The following PIEZO2 variants were observed in gnomAD, a reference collection of about 807,000 sequenced individuals.
PIEZO2 encodes the protein piezo-type mechanosensitive ion channel component 2.
A neutral mutation model predicts 337.3 loss-of-function variants in PIEZO2; 172 were observed. The observed-to-expected ratio is 0.51, with a 90% CI of 0.45 to 0.58. The LOEUF (loss-of-function observed/expected upper bound fraction) is 0.58. Among genes scored for constraint, PIEZO2 ranks in the 20% least tolerant of loss-of-function variants. The pLI is 0.00. For synonymous variants in PIEZO2, 1,251 were observed against 1,228.5 expected, an observed-to-expected ratio of 1.02 and a Z score of -0.38; for missense variants, 3,028 against 3,391.3, an observed-to-expected ratio of 0.89 and a Z score of 2.66.
chr18:11,080,119 T>A lies in PIEZO2; in HGVS notation c.65-13897A>T, dbSNP rs1434291055. Reference sequence around the variant, plus strand: ...ATCCCCACTCCTAACCACTCCACACTGCTACCTCTCTCATCTACACAGAAA... The same window carrying A: ...ATCCCCACTCCTAACCACTCCACACAGCTACCTCTCTCATCTACACAGAAA... On this transcript the variant is annotated intron_variant, in intron 1 of 55. Coordinates refer to ENST00000674853, the MANE Select transcript of PIEZO2 (RefSeq NM_001378183.1). The surrounding 1 kb of genome is among the most constrained non-coding windows in gnomAD (Gnocchi z 5.4). 6.7e-6 allele frequency among the ~76,000 whole-genome samples: 1 copy of A among 149,860 alleles called. No homozygotes were observed. Among genetic ancestry groups the A allele is most frequent in the Non-Finnish European group, 1.5e-5 (1 of 67,180 alleles).
intron 2 of PIEZO2, among the ~76,000 whole-genome samples, chr18:11,041,039 G>T (rs2037101951): frequency 6.6e-6 from 1 of 152,108 alleles, no homozygotes. Flanking sequence ...CTTTCTCTGG[G>T]TGAGACCAGG....
At position 10,916,617 on chromosome 18, in the gene PIEZO2, C is replaced by A. The variant is rs77370957; in HGVS notation, c.287-5389G>T. The stretch of plus-strand genomic sequence containing the variant: ...GGCCGCGCCCATCTAGAACTCGCGT[C>A]GGCCGGCGAGTGCAAGCAAAGTCCC... On this transcript the variant is annotated intron_variant, in intron 3 of 55. Transcript: ENST00000674853. Among the ~76,000 whole-genome samples the A allele has an allele frequency of 6.2e-4, 95 of 152,266 alleles. 1 individual carries two copies. The highest frequency in any genetic ancestry group is 2.0e-3 in the African/African-American group (83 of 41,586).
At chr18:10,930,813 G>T (rs1190327911) in intron 3 of PIEZO2, among the ~76,000 whole-genome samples, 2 of 152,170 alleles carry the variant, frequency 1.3e-5, no homozygotes, top group Non-Finnish European at 2.9e-5. Flanking sequence ...CTGTCTTAAA[G>T]TCAAATGTGT....
chr18:11,114,006 A>C (rs2039813523), intron 1 of PIEZO2, among the ~76,000 whole-genome samples: 1 of 152,270 alleles, frequency 6.6e-6, no homozygotes, highest in Non-Finnish European at 1.5e-5. Flanking sequence ...GTTGTTGATG[A>C]ACAGTGGAGT....
In PIEZO2 at chr18:10,691,381, T is replaced by G. The variant is rs1267477196; in HGVS notation, c.7193A>C (p.Lys2398Thr). The G allele has an allele frequency of 6.2e-7, 1 of 1,612,252 alleles. No individual in the cohort carries two copies. The highest frequency in any genetic ancestry group is 2.2e-5 in the East Asian group (1 of 44,836). Residue 2398 changes from lysine to threonine, a missense_variant and splice_region_variant, in exon 48 of 56, where the codon AAA becomes ACA. Coordinates refer to ENST00000674853, the MANE Select transcript of PIEZO2 (RefSeq NM_001378183.1). Reference protein sequence around the residue: ...FFILPGVTERKFSQNLVAQLW... With the variant: ...FFILPGVTERTFSQNLVAQLW... Reference sequence around the variant, plus strand: ...CTGGGCAACCAGGTTCTGGCTGAATTTCCTAAAATGTAAAAGTACAGAAAG... The same window carrying G: ...CTGGGCAACCAGGTTCTGGCTGAATGTCCTAAAATGTAAAAGTACAGAAAG...
chr18:10,807,088 T>C (rs1486064298), intron 8 of PIEZO2, 24 bp downstream of exon 8: 5 of 1,525,372 alleles, frequency 3.3e-6, no homozygotes, highest in African/African-American at 2.7e-5. Flanking sequence ...GCAGACAAGA[T>C]CATGAAAATG....
At chr18:10,826,653 A>AT (rs377309407) in intron 7 of PIEZO2, among the ~76,000 whole-genome samples, 365 of 152,070 alleles carry the variant, frequency 2.4e-3, no homozygotes, top group African/African-American at 7.1e-3. Context: ...ATATGCTTAC[A>AT]TTTTTTTTGT....
intron 7 of PIEZO2, among the ~76,000 whole-genome samples, chr18:10,843,228 C>T (rs1192666961): frequency 6.6e-6 from 1 of 152,092 alleles, no homozygotes; most frequent in African/African-American, 2.4e-5. Flanking sequence ...GATGATCACA[C>T]TTTCCAATAA....
At chr18:11,010,964 A>T (rs1388923313) in intron 2 of PIEZO2, among the ~76,000 whole-genome samples, 1 of 152,222 alleles carries the variant, frequency 6.6e-6, no homozygotes, top group Non-Finnish European at 1.5e-5. Flanking sequence ...CAATGTGCTA[A>T]ATTGATGTGT....
At position 11,089,875 on chromosome 18, in the gene PIEZO2, C is replaced by A. The variant is rs143497379; in HGVS notation, c.65-23653G>T. On this transcript the variant is annotated intron_variant, in intron 1 of 55. Coordinates refer to ENST00000674853, the MANE Select transcript of PIEZO2 (RefSeq NM_001378183.1). Reference sequence around the variant, plus strand: ...GCCCCTTCCTGCAGCCCTGACCTAGCCTCTGATAAAAGTCCAGGCCATTTC... The same window carrying A: ...GCCCCTTCCTGCAGCCCTGACCTAGACTCTGATAAAAGTCCAGGCCATTTC... Among the ~76,000 whole-genome samples the A allele has an allele frequency of 5.0e-3, 756 of 152,316 alleles. 3 individuals carry two copies. The highest frequency in any genetic ancestry group is 0.01 in the Middle Eastern group (3 of 294).
At chr18:10,876,439 G>C (rs538575830) in intron 4 of PIEZO2, among the ~76,000 whole-genome samples, 1 of 152,250 alleles carries the variant, frequency 6.6e-6, no homozygotes, top group African/African-American at 2.4e-5. Context: ...CTTGGTCTCT[G>C]TTTCTCTTTG....
At chr18:10,869,523 C>G (rs1461661838) in intron 5 of PIEZO2, among the ~76,000 whole-genome samples, 1 of 151,990 alleles carries the variant, frequency 6.6e-6, no homozygotes, top group Non-Finnish European at 1.5e-5. Context: ...TAACAAATAC[C>G]CAGTCTGAAG....
chr18:10,715,239 C>A (rs1408066909), intron 38 of PIEZO2, among the ~76,000 whole-genome samples: 1 of 152,184 alleles, frequency 6.6e-6, no homozygotes, highest in Non-Finnish European at 1.5e-5. Flanking sequence ...GTATGTCCTA[C>A]TTTTTATTAT....
In PIEZO2 at chr18:10,952,886, T is replaced by TTC. The variant is rs1568233910; in HGVS notation, c.286+26648_286+26649insGA. 2.5e-4 allele frequency among the ~76,000 whole-genome samples: 17 copies of TTC among 67,538 alleles called. No individual in the cohort carries two copies. Among genetic ancestry groups the TTC allele is most frequent in the African/African-American group, 5.5e-4 (16 of 29,138 alleles). 44.3% of individuals were successfully genotyped at this position (67,538 alleles called of 152,430 possible). A position where few individuals can be genotyped will look rare whatever the true frequency, so the allele number is the denominator to read the frequency against. On this transcript the variant is annotated intron_variant, in intron 3 of 55. Transcript: ENST00000674853. This position sits in a 1 kb window ranked among gnomAD's most constrained non-coding sequence, Gnocchi z 4.1. Reference sequence around the variant, plus strand: ...CCTTCCCTTCCTTCCTTCCTTCCTTTCATCCCTCCCTCCATCCCTCCCTCC... The same window carrying TTC: ...CCTTCCCTTCCTTCCTTCCTTCCTTTTCCATCCCTCCCTCCATCCCTCCCTCC...
At chr18:10,890,479 C>G (rs1385458542) in intron 4 of PIEZO2, 5 of 152,224 alleles carry the variant, frequency 3.3e-5, no homozygotes, top group Non-Finnish European at 2.9e-5. Context: ...AATTTACTTA[C>G]AGTTCAGCAT....
chr18:10,966,629 T>C (rs978627319), intron 3 of PIEZO2, among the ~76,000 whole-genome samples: 13 of 152,138 alleles, frequency 8.5e-5, no homozygotes, highest in Non-Finnish European at 1.5e-4. Context: ...TAATTATTTT[T>C]TATTTTTATA....
Position 10,827,915 on chromosome 18 carries a change from T to C in PIEZO2, c.918-20641A>G, listed in dbSNP as rs190629119. 4.6e-5 allele frequency among the ~76,000 whole-genome samples: 7 copies of C among 152,286 alleles called. No individual in the cohort carries two copies. In the East Asian group the frequency reaches 1.2e-3, roughly 25 times the overall value. ...TACTATTGTTTTCTTCAATGACATCTAACAGAAAATTAATTTATGGTAAAA... is the reference window on the plus strand; with the variant it reads ...TACTATTGTTTTCTTCAATGACATCCAACAGAAAATTAATTTATGGTAAAA... On this transcript the variant is annotated intron_variant, in intron 7 of 55. Transcript: ENST00000674853.
chr18:10,910,971 T>A (rs1416066950), intron 4 of PIEZO2, among the ~76,000 whole-genome samples: 1 of 151,486 alleles, frequency 6.6e-6, no homozygotes, highest in Non-Finnish European at 1.5e-5. Context: ...CCCCATTCTA[T>A]CTTTATTTCC....
intron 3 of PIEZO2, among the ~76,000 whole-genome samples, chr18:10,914,269 ATT>A (rs34938210): frequency 0.051 from 7,553 of 149,166 alleles, 326 homozygotes; most frequent in African/African-American, 0.11. Flanking sequence ...AAAACATGTT[ATT>A]TTTTTTTTTT....
Sources: allele counts gnomAD v4.1 joint callset (sites outside exome capture counted in the v4.1 genomes callset), GRCh38; gene constraint gnomAD v4.1.1; non-coding constraint Gnocchi (gnomAD v3.1); transcripts MANE v1.5; gene names NCBI Gene and HGNC (gene_info 2026-07-23, HGNC 2026-07-21).